EXOSC4: variants seen among roughly 807,000 people sequenced by gnomAD.
The protein encoded by EXOSC4 is exosome component 4, also known as exosome complex component RRP41.
In EXOSC4, 14 loss-of-function variants were observed where a neutral mutation model predicts 20.0. That is an observed-to-expected ratio of 0.70 (90% CI 0.46 to 1.09). The LOEUF (loss-of-function observed/expected upper bound fraction) is 1.09, where lower values mean the gene tolerates loss of function less well. EXOSC4 is among the 50% of genes least tolerant of loss of function. The pLI is 0.00. For synonymous variants in EXOSC4, 148 were observed against 146.4 expected, an observed-to-expected ratio of 1.01 and a Z score of -0.08; for missense variants, 337 against 334.0, an observed-to-expected ratio of 1.01 and a Z score of -0.07.
At chr8:144,066,320 G>A in the EXOSC4 span, among the ~76,000 whole-genome samples, 6 of 151,316 alleles carry the variant, frequency 4.0e-5, no homozygotes, top group East Asian at 2.0e-4. Flanking sequence ...CACCTGGCCC[G>A]GGGTCTCACT....
upstream of EXOSC4, chr8:144,078,545 A>G (rs896844134): frequency 3.6e-6 from 2 of 548,042 alleles, no homozygotes; most frequent in Non-Finnish European, 5.8e-6. This position sits in a 1 kb window ranked among gnomAD's most constrained non-coding sequence, Gnocchi z 4.7. Flanking sequence ...AGGAAGTGAC[A>G]GCGGAACGCC....
upstream of EXOSC4, among the ~76,000 whole-genome samples, chr8:144,076,590 A>G (rs544512198): frequency 1.3e-5 from 2 of 152,274 alleles, no homozygotes; most frequent in Admixed American, 1.3e-4. Flanking sequence ...CTGAAGATGA[A>G]TACTTCCACC....
the EXOSC4 span, among the ~76,000 whole-genome samples, chr8:144,069,587 G>A: frequency 4.6e-5 from 7 of 152,324 alleles, no homozygotes; most frequent in East Asian, 5.8e-4. Context: ...TGGGTCACCC[G>A]GGATCGCCTC....
At chr8:144,067,542 T>A in the EXOSC4 span, among the ~76,000 whole-genome samples, 1 of 152,148 alleles carries the variant, frequency 6.6e-6, no homozygotes, top group East Asian at 1.9e-4. Context: ...AAAAAATGAT[T>A]CATCACATAT....
At chr8:144,065,230 A>G in the EXOSC4 span, among the ~76,000 whole-genome samples, 2 of 152,022 alleles carry the variant, frequency 1.3e-5, no homozygotes, top group Non-Finnish European at 2.9e-5. Flanking sequence ...TGTATTTTAC[A>G]TCATTTTTCT....
the EXOSC4 span, among the ~76,000 whole-genome samples, chr8:144,067,866 C>T: frequency 6.6e-6 from 1 of 152,198 alleles, no homozygotes; most frequent in Non-Finnish European, 1.5e-5. Flanking sequence ...ATTAGCCGGG[C>T]ATGGTGGCAG....
upstream of EXOSC4, among the ~76,000 whole-genome samples, chr8:144,075,654 G>A (rs1218744969): frequency 6.6e-6 from 1 of 152,196 alleles, no homozygotes; most frequent in Non-Finnish European, 1.5e-5. Flanking sequence ...GATTACAAGC[G>A]CGAGCACCGC....
At position 144,078,699 on chromosome 8, in the gene EXOSC4, G is replaced by A. The variant is rs1554763022; in HGVS notation, c.-30G>A. On this transcript the variant is annotated 5_prime_UTR_variant, in exon 1 of 3. Transcript: ENST00000316052. This position sits in a 1 kb window ranked among gnomAD's most constrained non-coding sequence, Gnocchi z 4.7. ...AGTTCTCCCGCGGCTCAGAGAAGTA[G>A]GCAGAGAGCGGACCTGGCGGCCGGG... is the stretch of plus-strand genomic sequence containing the variant. 1.4e-6 allele frequency: 2 copies of A among 1,388,732 alleles called. No homozygotes were observed. Among genetic ancestry groups the A allele is most frequent in the African/African-American group, 1.5e-5 (1 of 66,238 alleles). 86.0% of individuals were successfully genotyped at this position (1,388,732 alleles called of 1,614,324 possible). A position where few individuals can be genotyped will look rare whatever the true frequency, so the allele number is the denominator to read the frequency against.
upstream of EXOSC4, among the ~76,000 whole-genome samples, chr8:144,075,457 A>C (rs890590433): frequency 2.0e-5 from 3 of 151,986 alleles, no homozygotes. Flanking sequence ...CGATCTCCTG[A>C]CCTCGTGATC....
upstream of EXOSC4, among the ~76,000 whole-genome samples, chr8:144,074,554 C>T (rs1835819482): frequency 6.6e-6 from 1 of 151,780 alleles, no homozygotes; most frequent in South Asian, 2.1e-4. Context: ...TTTTTTGGGG[C>T]GGGGGGTGGT....
At chr8:144,067,879 G>A in the EXOSC4 span, among the ~76,000 whole-genome samples, 2 of 152,214 alleles carry the variant, frequency 1.3e-5, no homozygotes, top group African/African-American at 4.8e-5. Flanking sequence ...GGTGGCAGAT[G>A]CCTGTAATCC....
At chr8:144,068,856 C>T in the EXOSC4 span, among the ~76,000 whole-genome samples, 3 of 152,182 alleles carry the variant, frequency 2.0e-5, no homozygotes, top group African/African-American at 7.2e-5. Context: ...CTCCCGTCCC[C>T]CAACACCTGC....
chr8:144,079,521 C>A (rs981124621), intron 1 of EXOSC4: 4 of 359,618 alleles, frequency 1.1e-5, no homozygotes, highest in Admixed American at 3.8e-5. Context: ...TTATGCAGAG[C>A]AGAAAGACTG....
At chr8:144,072,183 T>G in the EXOSC4 span, among the ~76,000 whole-genome samples, 1 of 152,092 alleles carries the variant, frequency 6.6e-6, no homozygotes, top group Non-Finnish European at 1.5e-5. Flanking sequence ...TGCCTTGTTT[T>G]GTTTTGTTTT....
chr8:144,076,731 G>GTGGGCAGTCCACAGAGCTCCCTGGGC (rs1835838529), upstream of EXOSC4, among the ~76,000 whole-genome samples: 1 of 152,174 alleles, frequency 6.6e-6, no homozygotes, highest in Non-Finnish European at 1.5e-5. Flanking sequence ...CACAACTGGG[G>GTGGGCAGTCCACAGAGCTCCCTGGGC]TGGGCAGTCC....
the EXOSC4 span, among the ~76,000 whole-genome samples, chr8:144,065,337 G>C: frequency 3.3e-3 from 503 of 152,282 alleles, 3 homozygotes; most frequent in African/African-American, 0.012. Context: ...TGGAGCCATC[G>C]CAGGGCCCCT....
chr8:144,078,933 C>T lies in EXOSC4; in HGVS notation c.171+34C>T, dbSNP rs782151527. ...GCGCGCGGGATGGGGAATCGTGTGG[C>T]CGTGGGAGCTGCGGGGCAGCCGGGC... On this transcript the variant is annotated intron_variant, in intron 1 of 2. Transcript: ENST00000316052. The surrounding 1 kb of genome is among the most constrained non-coding windows in gnomAD (Gnocchi z 4.7). 15 of 1,440,178 alleles carry T rather than the reference C, an allele frequency of 1.0e-5. No homozygotes were observed. Among genetic ancestry groups the T allele is most frequent in the Non-Finnish European group, 1.3e-5 (14 of 1,094,778 alleles). 89.2% of individuals were successfully genotyped at this position (1,440,178 alleles called of 1,614,324 possible). A position where few individuals can be genotyped will look rare whatever the true frequency, so the allele number is the denominator to read the frequency against.
At chr8:144,075,265 C>T (rs1265740022), upstream of EXOSC4, among the ~76,000 whole-genome samples, 2 of 149,678 alleles carry the variant, frequency 1.3e-5, no homozygotes, top group African/African-American at 5.0e-5. Flanking sequence ...CTCGCTCTGT[C>T]GCCCAGGCTG....
At chr8:144,069,600 C>T in the EXOSC4 span, among the ~76,000 whole-genome samples, 1 of 152,240 alleles carries the variant, frequency 6.6e-6, no homozygotes, top group Non-Finnish European at 1.5e-5. Flanking sequence ...ATCGCCTCCC[C>T]GCCTCAGCCT....
Sources: gnomAD v4.1 joint callset for allele counts (sites outside exome capture counted in the v4.1 genomes callset) on GRCh38, gnomAD v4.1.1 for gene constraint, Gnocchi (gnomAD v3.1) non-coding constraint, MANE v1.5 for transcripts, NCBI Gene and HGNC (gene_info 2026-07-23, HGNC 2026-07-21) for gene names.